Variants in LIPH observed in about 807,000 individuals in gnomAD.
The protein encoded by LIPH is lipase member H.
A neutral mutation model predicts 47.6 loss-of-function variants in LIPH; 32 were observed. The ratio of observed to expected loss-of-function variants is 0.67; its 90% CI spans 0.51 to 0.90. The LOEUF is 0.90. Among genes scored for constraint, LIPH ranks in the 40% least tolerant of loss-of-function variants. LIPH has a pLI of 0.00. For missense variants in LIPH, 497 were observed against 541.4 expected (o/e 0.92, Z 0.81); for synonymous variants, 190 against 195.6 (o/e 0.97, Z 0.24).
rs772281341 is a variant in LIPH at position 185,527,518 on chromosome 3, C to T, written c.594G>A (p.Ala198=). Residue 198 remains alanine (A), a synonymous_variant, in exon 4 of 10, where the codon GCG becomes GCA. Transcript: ENST00000296252. ...PHQDRLDPSD[A]QFVDVIHSDT... ...CGGAATGGATGACATCAACAAACTG[C>T]GCATCACTGGGATCTAATCTGTCTT... The T allele has an allele frequency of 6.2e-7, 1 of 1,612,794 alleles. No homozygotes were observed. Among genetic ancestry groups the T allele is most frequent in the South Asian group, 1.1e-5 (1 of 90,854 alleles).
At chr3:185,526,098 GC>G (rs1233115285) in intron 4 of LIPH, among the ~76,000 whole-genome samples, 1 of 151,944 alleles carries the variant, frequency 6.6e-6, no homozygotes, top group Non-Finnish European at 1.5e-5. Context: ...ACAGAAATGG[GC>G]CAGCCACAGT....
chr3:185,508,694 C>T lies in LIPH; in HGVS notation c.*96G>A. The T allele has an allele frequency of 1.1e-6, 1 of 901,800 alleles. No homozygotes were observed. Among genetic ancestry groups the T allele is most frequent in the Non-Finnish European group, 1.9e-6 (1 of 539,682 alleles). 55.9% of individuals were successfully genotyped at this position (901,800 alleles called of 1,614,324 possible). ...GAAAAAAGCCTTGGTTTTTTTCATA[C>T]TTTTTCTGCCTTGCAGAAAGGTGAG... On this transcript the variant is annotated 3_prime_UTR_variant, in exon 10 of 10. Transcript: ENST00000296252.
chr3:185,547,443 G>A (rs76947887), intron 1 of LIPH, among the ~76,000 whole-genome samples: 7,321 of 152,140 alleles, frequency 0.048, 286 homozygotes, highest in East Asian at 0.24. Flanking sequence ...ATCCCCAAAC[G>A]TGACATAGAT....
intron 3 of LIPH, among the ~76,000 whole-genome samples, chr3:185,528,250 GA>G (rs1256430395): frequency 7.3e-6 from 1 of 137,396 alleles, no homozygotes. Flanking sequence ...GAGAGAGAAA[GA>G]AAAAAAGAAA....
chr3:185,513,335 T>A (rs1719629348), intron 8 of LIPH, among the ~76,000 whole-genome samples: 1 of 115,908 alleles, frequency 8.6e-6, no homozygotes. Context: ...CAAGGCTCTG[T>A]CTCAAAAAAA....
chr3:185,547,691 G>C (rs1262782939), intron 1 of LIPH, among the ~76,000 whole-genome samples: 8 of 152,048 alleles, frequency 5.3e-5, no homozygotes, highest in Admixed American at 5.2e-4. Flanking sequence ...GGGCATGGTG[G>C]CAGGCACCTG....
At chr3:185,538,780 C>CATATATATGT (rs1720591199) in intron 1 of LIPH, among the ~76,000 whole-genome samples, 3 of 3,476 alleles carry the variant, frequency 8.6e-4, no homozygotes, top group Non-Finnish European at 3.4e-3. Context: ...CATATATACA[C>CATATATATGT]ACATATATAC....
At chr3:185,517,774 A>G (rs1164059342) in intron 6 of LIPH, among the ~76,000 whole-genome samples, 1 of 152,192 alleles carries the variant, frequency 6.6e-6, no homozygotes, top group East Asian at 1.9e-4. Context: ...AGGTGATTCT[A>G]AAGCACAATC....
At chr3:185,528,222 A>AAGAG (rs35994579) in intron 3 of LIPH, among the ~76,000 whole-genome samples, 108 of 140,660 alleles carry the variant, frequency 7.7e-4, no homozygotes, top group Middle Eastern at 3.5e-3. Context: ...CGAAGAAAGA[A>AAGAG]AGAGAGAGAG....
intron 4 of LIPH, 64 bp downstream of exon 4, chr3:185,527,420 C>T (rs949869946): frequency 2.7e-6 from 3 of 1,101,128 alleles, no homozygotes; most frequent in Non-Finnish European, 2.8e-6. Flanking sequence ...ATGATTATCT[C>T]TCCCCAGGGG....
At chr3:185,526,961 C>A (rs891570636) in intron 4 of LIPH, among the ~76,000 whole-genome samples, 2 of 151,956 alleles carry the variant, frequency 1.3e-5, no homozygotes, top group East Asian at 1.9e-4. Flanking sequence ...AAAAATATGC[C>A]GGGCGCGGTG....
chr3:185,543,846 C>CTTTTTTTTT (rs57080060), intron 1 of LIPH, among the ~76,000 whole-genome samples: 2 of 108,740 alleles, frequency 1.8e-5, no homozygotes, highest in African/African-American at 3.4e-5. Flanking sequence ...CTGGCTCTTG[C>CTTTTTTTTT]TTTTTTTTTT....
intron 3 of LIPH, among the ~76,000 whole-genome samples, chr3:185,529,412 C>A (rs28697006): frequency 1.3e-4 from 16 of 127,090 alleles, no homozygotes; most frequent in African/African-American, 4.4e-4. Flanking sequence ...TAGCCTTTTT[C>A]TTTTTCTTTT....
chr3:185,517,149 A>G lies in LIPH; in HGVS notation c.900T>C (p.Asp300=). The G allele has an allele frequency of 6.3e-7, 1 of 1,589,272 alleles. No individual in the cohort carries two copies. Among genetic ancestry groups the G allele is most frequent in the Non-Finnish European group, 8.6e-7 (1 of 1,157,404 alleles). The change falls in exon 7 of 10, where the codon GAT becomes GAC. Residue 300 remains aspartate (D), a synonymous_variant. Coordinates refer to ENST00000296252, the MANE Select transcript of LIPH (RefSeq NM_139248.3). The part of the protein sequence containing the change: ...ESCPLLGYYA[D]NWKDHLRGKD... ...TCCCCCTTAGATGGTCTTTCCAATT[A>G]TCAGCATAATAGCCTATGAAACAAG...
intron 7 of LIPH, among the ~76,000 whole-genome samples, chr3:185,514,769 T>C (rs755950825): frequency 6.6e-6 from 1 of 152,188 alleles, no homozygotes; most frequent in Non-Finnish European, 1.5e-5. Flanking sequence ...GTTGAACCAG[T>C]GTTTCCAGGT....
At chr3:185,530,362 C>G (rs1720297088) in intron 3 of LIPH, among the ~76,000 whole-genome samples, 1 of 152,034 alleles carries the variant, frequency 6.6e-6, no homozygotes, top group South Asian at 2.1e-4. Flanking sequence ...CCTGTAGTCC[C>G]AGCTACTCGG....
At position 185,533,657 on chromosome 3, in the gene LIPH, T is replaced by A; in HGVS notation, c.440A>T (p.Asp147Val). Reference sequence around the variant, plus strand: ...TAGACTTACTCCGATCATGTAAATGTCATCAAGAGAAGCTCCTTCTGCCTG... The same window carrying A: ...TAGACTTACTCCGATCATGTAAATGACATCAAGAGAAGCTCCTTCTGCCTG... ...QMLAEGASLD[D>V]IYMIGVSLGA... is the part of the protein sequence containing the mutation. Residue 147 changes from aspartate (D) to valine (V), a missense_variant, in exon 3 of 10, where the codon GAC (aspartate) becomes GTC (valine). Transcript: ENST00000296252. 4 of 1,613,534 alleles carry A rather than the reference T, an allele frequency of 2.5e-6. No homozygotes were observed. The highest frequency in any genetic ancestry group is 3.4e-6 in the Non-Finnish European group (4 of 1,179,444).
chr3:185,522,650 A>AAGAAAGGAAAGAAAGAAAG (rs1235808164), intron 5 of LIPH, among the ~76,000 whole-genome samples: 4 of 141,896 alleles, frequency 2.8e-5, no homozygotes, highest in Non-Finnish European at 6.2e-5. Context: ...GAGAGAAAGA[A>AAGAAAGGAAAGAAAGAAAG]AAAGAAAGAA....
At position 185,517,859 on chromosome 3, in the gene LIPH, ATCC is replaced by A. The variant is rs943552393; in HGVS notation, c.887-700_887-698del. ...TTTCCTTTTGGAAAAAAAATAGAAA[ATCC>A]TCATGACCATCCAGTTTCAAAGTCC... On this transcript the variant is annotated intron_variant, in intron 6 of 9. Coordinates refer to ENST00000296252, the MANE Select transcript of LIPH (RefSeq NM_139248.3). Among the ~76,000 whole-genome samples the A allele has an allele frequency of 3.9e-5, 6 of 152,268 alleles. No homozygotes were observed. In the South Asian group the frequency reaches 6.2e-4, roughly 16 times the overall value.
Sources: allele counts gnomAD v4.1 joint callset (sites outside exome capture counted in the v4.1 genomes callset), GRCh38; gene constraint gnomAD v4.1.1; transcripts MANE v1.5; gene names NCBI Gene and HGNC (gene_info 2026-07-23, HGNC 2026-07-21).